The following MED27 variants were observed in gnomAD, a reference collection of about 807,000 sequenced individuals.
MED27 encodes mediator of RNA polymerase II transcription subunit 27.
In MED27, 30 loss-of-function variants were observed where a neutral mutation model predicts 38.2. The ratio of observed to expected loss-of-function variants is 0.79; its 90% CI spans 0.59 to 1.07. The LOEUF (loss-of-function observed/expected upper bound fraction) is 1.07, where lower values mean the gene tolerates loss of function less well. Among genes scored for constraint, MED27 ranks in the 50% least tolerant of loss-of-function variants. MED27 has a pLI of 0.00. For synonymous variants in MED27, 122 were observed against 153.5 expected, an observed-to-expected ratio of 0.79 and a Z score of 1.52; for missense variants, 289 against 397.5, an observed-to-expected ratio of 0.73 and a Z score of 2.32.
At chr9:132,041,711 G>A (rs1305959464) in intron 2 of MED27, among the ~76,000 whole-genome samples, 1 of 152,236 alleles carries the variant, frequency 6.6e-6, no homozygotes, top group Admixed American at 6.5e-5. Context: ...TAGTCAGTGT[G>A]CTGAAAAATT....
chr9:132,057,140 T>C (rs1262837969), intron 2 of MED27, among the ~76,000 whole-genome samples: 1 of 152,210 alleles, frequency 6.6e-6, no homozygotes, highest in Non-Finnish European at 1.5e-5. Context: ...TTTGTTCACA[T>C]GAACTCAAGT....
rs550151540 is a variant in MED27 at position 131,939,829 on chromosome 9, C to T, written c.480-355G>A. Among the ~76,000 whole-genome samples, 5 of 152,126 alleles carry T rather than the reference C, an allele frequency of 3.3e-5. No homozygotes were observed. The South Asian group carries it at 6.2e-4, about 19-fold the overall frequency. ...TGTCCTGCTGTTGCGCACCTCCGGG[C>T]TGTCTCACTGTCTAATCTGGCTTCT... is the stretch of plus-strand genomic sequence containing the variant. On this transcript the variant is annotated intron_variant, in intron 3 of 7. Transcript: ENST00000292035.
At chr9:131,884,229 C>T in intron 5 of MED27, 130 bp from the exon 6 acceptor site, 2 of 615,948 alleles carry the variant, frequency 3.2e-6, no homozygotes, top group Admixed American at 3.8e-5. Flanking sequence ...AATAGGATCT[C>T]AGGGTTGAAA....
rs1271853731 is a variant in MED27 at position 131,982,210 on chromosome 9, T to C, written c.479+32127A>G. Among the ~76,000 whole-genome samples the C allele has an allele frequency of 6.6e-6, 1 of 152,224 alleles. No individual in the cohort carries two copies. The highest frequency in any genetic ancestry group is 1.5e-5 in the Non-Finnish European group (1 of 68,028). On this transcript the variant is annotated intron_variant, in intron 3 of 7. Coordinates refer to ENST00000292035, the MANE Select transcript of MED27 (RefSeq NM_004269.4). This position sits in a 1 kb window ranked among gnomAD's most constrained non-coding sequence, Gnocchi z 4.3. ...ATTGACATGGTGTCAGTTCCAGGCC[T>C]AAGCCCCAAGAATGCTTGGCAGCTT...
At chr9:131,993,727 T>G (rs1278710846) in intron 3 of MED27, among the ~76,000 whole-genome samples, 1 of 152,172 alleles carries the variant, frequency 6.6e-6, no homozygotes, top group Non-Finnish European at 1.5e-5. Context: ...TCAACACATT[T>G]CATTAACATC....
chr9:131,983,668 T>C (rs1564311745), intron 3 of MED27, among the ~76,000 whole-genome samples: 1 of 152,342 alleles, frequency 6.6e-6, no homozygotes, highest in East Asian at 1.9e-4. Context: ...TCATTTTCAA[T>C]CATGCAGAGG....
intron 3 of MED27, among the ~76,000 whole-genome samples, chr9:131,951,600 T>C (rs1490069015): frequency 1.3e-5 from 2 of 152,256 alleles, no homozygotes; most frequent in Non-Finnish European, 2.9e-5. Context: ...AGCTTTGGCA[T>C]CCTTATCTGT....
chr9:132,079,306 G>A (rs1834122232), intron 1 of MED27, among the ~76,000 whole-genome samples: 1 of 152,148 alleles, frequency 6.6e-6, no homozygotes, highest in South Asian at 2.1e-4. Flanking sequence ...GACGTGATGG[G>A]GCACAGAGGG....
At chr9:131,966,945 T>C (rs1831363804) in intron 3 of MED27, among the ~76,000 whole-genome samples, 2 of 152,254 alleles carry the variant, frequency 1.3e-5, no homozygotes. Context: ...ATCTTCACTC[T>C]TCACTAGCTG....
At chr9:131,878,466 G>A (rs1477972367) in intron 6 of MED27, among the ~76,000 whole-genome samples, 1 of 152,126 alleles carries the variant, frequency 6.6e-6, no homozygotes, top group Non-Finnish European at 1.5e-5. Context: ...TGCAATGACT[G>A]TGGATGGAGA....
chr9:131,944,478 C>T (rs1830845071), intron 3 of MED27, among the ~76,000 whole-genome samples: 1 of 151,594 alleles, frequency 6.6e-6, no homozygotes, highest in African/African-American at 2.4e-5. Flanking sequence ...CATGAATGGA[C>T]TTTATAAAAG....
At chr9:132,062,034 G>A (rs1227532194) in intron 2 of MED27, among the ~76,000 whole-genome samples, 5 of 152,194 alleles carry the variant, frequency 3.3e-5, no homozygotes, top group Non-Finnish European at 7.4e-5. Context: ...ACAGGAGTTA[G>A]TAGTCATCTC....
At chr9:131,979,732 T>C (rs1831689923) in intron 3 of MED27, among the ~76,000 whole-genome samples, 1 of 152,242 alleles carries the variant, frequency 6.6e-6, no homozygotes, top group Admixed American at 6.5e-5. Flanking sequence ...GGACATCTGC[T>C]CAGTGGCAAA....
At chr9:132,035,574 G>A (rs1014714900) in intron 2 of MED27, among the ~76,000 whole-genome samples, 3 of 152,164 alleles carry the variant, frequency 2.0e-5, no homozygotes, top group East Asian at 1.9e-4. Flanking sequence ...GACCACTTGA[G>A]CTGAAACCCG....
At chr9:131,906,017 G>A (rs1830055805) in intron 4 of MED27, among the ~76,000 whole-genome samples, 2 of 152,198 alleles carry the variant, frequency 1.3e-5, no homozygotes, top group South Asian at 4.1e-4. Flanking sequence ...AAATTGCAAA[G>A]AGTTATGAAG....
intron 2 of MED27, among the ~76,000 whole-genome samples, chr9:132,022,614 C>T (rs1832740343): frequency 6.6e-6 from 1 of 152,108 alleles, no homozygotes. Flanking sequence ...CAAAAGTCTC[C>T]AATTAAGGCA....
chr9:132,020,474 G>A (rs143021393), intron 2 of MED27, among the ~76,000 whole-genome samples: 34 of 152,242 alleles, frequency 2.2e-4, no homozygotes, highest in African/African-American at 7.7e-4. Flanking sequence ...TGCAAGGTAG[G>A]GTGCTAATCT....
At chr9:132,024,425 T>C (rs1046318775) in intron 2 of MED27, among the ~76,000 whole-genome samples, 1 of 152,222 alleles carries the variant, frequency 6.6e-6, no homozygotes, top group Non-Finnish European at 1.5e-5. Flanking sequence ...GAGCTGTTCT[T>C]GTGATTTTCC....
intron 2 of MED27, among the ~76,000 whole-genome samples, chr9:132,020,556 G>T (rs1235784038): frequency 2.6e-5 from 4 of 152,160 alleles, no homozygotes; most frequent in Admixed American, 2.6e-4. Flanking sequence ...TGCAACATCA[G>T]GAAACTTTGT....
Sources: allele counts gnomAD v4.1 joint callset (sites outside exome capture counted in the v4.1 genomes callset), GRCh38; gene constraint gnomAD v4.1.1; non-coding constraint Gnocchi (gnomAD v3.1); transcripts MANE v1.5; gene names NCBI Gene and HGNC (gene_info 2026-07-23, HGNC 2026-07-21).